VWC2L: variants seen among roughly 807,000 people sequenced by gnomAD.
VWC2L encodes von Willebrand factor C domain-containing protein 2-like.
In VWC2L, 10 loss-of-function variants were observed where a neutral mutation model predicts 21.6. The ratio of observed to expected loss-of-function variants is 0.46; its 90% CI spans 0.29 to 0.78. The LOEUF is 0.78. Among genes scored for constraint, VWC2L ranks in the 30% least tolerant of loss-of-function variants. The probability of loss-of-function intolerance (pLI) is 0.10; values close to 1 mark genes in which losing one functional copy is unlikely to be tolerated. For synonymous variants in VWC2L, 96 were observed against 94.3 expected (o/e 1.02, Z -0.10); for missense variants, 209 against 277.1 (o/e 0.75, Z 1.74).
chr2:214,444,381 A>T (rs1702807346), intron 3 of VWC2L, among the ~76,000 whole-genome samples: 1 of 152,144 alleles, frequency 6.6e-6, no homozygotes, highest in South Asian at 2.1e-4. Flanking sequence ...ATAAACATTA[A>T]TTTGGGGGGA....
At chr2:214,468,251 A>T (rs1253623516) in intron 3 of VWC2L, among the ~76,000 whole-genome samples, 1 of 152,168 alleles carries the variant, frequency 6.6e-6, no homozygotes, top group East Asian at 1.9e-4. Context: ...TCCTGGCCTC[A>T]AGGGATCTGC....
chr2:214,577,291 A>G lies in VWC2L; in HGVS notation c.*1471A>G, dbSNP rs967946275. 6.6e-6 allele frequency: 1 copy of G among 152,146 alleles called. No homozygotes were observed. The allele number at this position is 152,146 out of a possible 1,614,324, so 9.4% of individuals were successfully genotyped here. A position where few individuals can be genotyped will look rare whatever the true frequency, so the allele number is the denominator to read the frequency against. Reference sequence around the variant, plus strand: ...GCTCCTGTGGAGAGCCATATTCTAGAGCAAGGTGTCTCAATCTTAGTAGGA... The same window carrying G: ...GCTCCTGTGGAGAGCCATATTCTAGGGCAAGGTGTCTCAATCTTAGTAGGA... On this transcript the variant is annotated 3_prime_UTR_variant, in exon 4 of 4. Coordinates refer to ENST00000312504, the MANE Select transcript of VWC2L (RefSeq NM_001080500.4).
chr2:214,411,235 C>CAGTT lies in VWC2L; in HGVS notation c.-628_-625dup, dbSNP rs1193065935. 2.6e-5 allele frequency: 4 copies of CAGTT among 152,234 alleles called. No individual in the cohort carries two copies. The highest frequency in any genetic ancestry group is 2.9e-5 in the Non-Finnish European group (2 of 68,076). 9.4% of individuals were successfully genotyped at this position (152,234 alleles called of 1,614,324 possible). A position where few individuals can be genotyped will look rare whatever the true frequency, so the allele number is the denominator to read the frequency against. ...AAGTTGCTCCTTTCCTTCACATCCA[C>CAGTT]AGTTAGTATTTTCCGGTGTGTAAGA... is the stretch of plus-strand genomic sequence containing the variant. On this transcript the variant is annotated 5_prime_UTR_variant, in exon 1 of 4. Transcript: ENST00000312504.
At chr2:214,572,211 A>G (rs1690159972) in intron 3 of VWC2L, among the ~76,000 whole-genome samples, 1 of 152,238 alleles carries the variant, frequency 6.6e-6, no homozygotes, top group Admixed American at 6.5e-5. Context: ...TTGAGAATCA[A>G]TATGTCTCCA....
intron 2 of VWC2L, chr2:214,414,809 A>G: frequency 1.8e-6 from 1 of 543,920 alleles, no homozygotes; most frequent in Non-Finnish European, 3.2e-6. Context: ...TTTTCCCAGA[A>G]GTATTTGGGG....
chr2:214,433,613 G>A (rs938078995), intron 2 of VWC2L, among the ~76,000 whole-genome samples: 10 of 152,140 alleles, frequency 6.6e-5, no homozygotes, highest in African/African-American at 2.2e-4. Context: ...AAGATATAAA[G>A]ATTTATCCAA....
intron 3 of VWC2L, among the ~76,000 whole-genome samples, chr2:214,570,533 C>T (rs11688112): frequency 0.31 from 47,268 of 151,720 alleles, 8,847 homozygotes; most frequent in African/African-American, 0.54. Context: ...CCAGCTAATT[C>T]TTTGCATTTT....
intron 2 of VWC2L, among the ~76,000 whole-genome samples, chr2:214,424,710 A>G (rs973769887): frequency 3.3e-5 from 5 of 152,222 alleles, no homozygotes; most frequent in African/African-American, 9.6e-5. Flanking sequence ...CAAAAGTTCA[A>G]TGAAACACAG....
chr2:214,485,456 T>C (rs563255520), intron 3 of VWC2L, among the ~76,000 whole-genome samples: 2 of 152,316 alleles, frequency 1.3e-5, no homozygotes, highest in East Asian at 3.9e-4. Flanking sequence ...GTAGGTAAAT[T>C]ACTTAACCTC....
intron 3 of VWC2L, 41 bp from the exon 4 acceptor site, chr2:214,575,631 C>T (rs761594545): frequency 6.2e-5 from 100 of 1,605,006 alleles, no homozygotes; most frequent in Non-Finnish European, 8.1e-5. Context: ...AAGGGAGCCT[C>T]TCAGATTTAA....
chr2:214,519,685 T>C (rs1215317573), intron 3 of VWC2L, among the ~76,000 whole-genome samples: 1 of 152,172 alleles, frequency 6.6e-6, no homozygotes, highest in East Asian at 1.9e-4. Flanking sequence ...GCTTCCTCCG[T>C]AGAGATGCCA....
chr2:214,475,015 A>T (rs1433524439), intron 3 of VWC2L, among the ~76,000 whole-genome samples: 1 of 152,170 alleles, frequency 6.6e-6, no homozygotes, highest in Non-Finnish European at 1.5e-5. Context: ...GACAACTGTT[A>T]TCTCTGGCAC....
At chr2:214,493,986 C>T (rs753621205) in intron 3 of VWC2L, among the ~76,000 whole-genome samples, 4 of 152,176 alleles carry the variant, frequency 2.6e-5, no homozygotes, top group Non-Finnish European at 4.4e-5. Context: ...CAGTGTAGTA[C>T]ACCAGCTCCT....
chr2:214,513,197 G>A (rs73989039), intron 3 of VWC2L, among the ~76,000 whole-genome samples: 5,049 of 152,052 alleles, frequency 0.033, 312 homozygotes, highest in African/African-American at 0.11. Context: ...GATTACTGTC[G>A]GGTCAAAGAG....
chr2:214,412,063 T>C (rs1213118202), intron 1 of VWC2L, among the ~76,000 whole-genome samples: 1 of 152,164 alleles, frequency 6.6e-6, no homozygotes, highest in Non-Finnish European at 1.5e-5. Flanking sequence ...AACTTTGTTA[T>C]ATTGAAAATA....
At chr2:214,457,132 G>T (rs568428594) in intron 3 of VWC2L, among the ~76,000 whole-genome samples, 1 of 152,148 alleles carries the variant, frequency 6.6e-6, no homozygotes, top group South Asian at 2.1e-4. Context: ...AAGAAATTGC[G>T]TTGAGTCTCT....
intron 3 of VWC2L, among the ~76,000 whole-genome samples, chr2:214,443,391 C>CA (rs1036011773): frequency 6.6e-4 from 97 of 146,018 alleles, no homozygotes; most frequent in South Asian, 2.6e-3. Context: ...AACAAAAAAA[C>CA]AAAAAAAAAA....
intron 3 of VWC2L, chr2:214,510,223 G>A (rs1689032455): frequency 6.6e-6 from 1 of 152,030 alleles, no homozygotes; most frequent in Admixed American, 6.6e-5. Context: ...GATGTAAGCT[G>A]AATTGATTAT....
At chr2:214,452,545 C>G (rs1186887920) in intron 3 of VWC2L, among the ~76,000 whole-genome samples, 27 of 152,036 alleles carry the variant, frequency 1.8e-4, no homozygotes, top group Non-Finnish European at 1.5e-5. Flanking sequence ...TTGATTATTA[C>G]AAATAAAGCT....
Sources: gnomAD v4.1 joint callset for allele counts (sites outside exome capture counted in the v4.1 genomes callset) on GRCh38, gnomAD v4.1.1 for gene constraint, MANE v1.5 for transcripts, NCBI Gene and HGNC (gene_info 2026-07-23, HGNC 2026-07-21) for gene names.